Variants in SLIT3 observed in about 807,000 individuals in gnomAD.
SLIT3 encodes slit homolog 3 protein.
Under a neutral mutation model 184.0 loss-of-function variants are expected in SLIT3, and 68 were observed. The ratio of observed to expected loss-of-function variants is 0.37; its 90% CI spans 0.30 to 0.45. SLIT3 has a LOEUF of 0.45. SLIT3 is among the 20% of genes least tolerant of loss of function. The probability of loss-of-function intolerance (pLI) is 1.00; values close to 1 mark genes in which losing one functional copy is unlikely to be tolerated. For synonymous variants in SLIT3, 831 were observed against 828.6 expected (o/e 1.00, Z -0.05); for missense variants, 1,707 against 2,026.0 (o/e 0.84, Z 3.02).
At chr5:169,054,432 C>T (rs999810605) in intron 4 of SLIT3, among the ~76,000 whole-genome samples, 1 of 152,060 alleles carries the variant, frequency 6.6e-6, no homozygotes, top group Admixed American at 6.5e-5. Flanking sequence ...ATTTCCATTG[C>T]TTTTAACCAC....
chr5:168,894,125 GT>G (rs773120345), intron 4 of SLIT3, among the ~76,000 whole-genome samples: 38 of 152,102 alleles, frequency 2.5e-4, no homozygotes, highest in Non-Finnish European at 4.4e-4. Context: ...TCAGTAACTT[GT>G]CCCAGGGCCC....
intron 1 of SLIT3, 35 bp from the exon 2 acceptor site, chr5:169,251,494 TG>T (rs1561767668): frequency 7.0e-7 from 1 of 1,428,604 alleles, no homozygotes; most frequent in Admixed American, 1.7e-5. Flanking sequence ...CAGATTTTTG[TG>T]GGTTACAATT....
At chr5:168,731,453 T>C (rs1317256592) in intron 20 of SLIT3, among the ~76,000 whole-genome samples, 1 of 152,014 alleles carries the variant, frequency 6.6e-6, no homozygotes, top group Non-Finnish European at 1.5e-5. Context: ...ACTCATTCTA[T>C]GAGGTCAGTA....
At chr5:168,989,301 T>G (rs1755238336) in intron 4 of SLIT3, among the ~76,000 whole-genome samples, 1 of 152,196 alleles carries the variant, frequency 6.6e-6, no homozygotes, top group Admixed American at 6.5e-5. Context: ...CAAAACAAAC[T>G]TGACAGGGAA....
intron 18 of SLIT3, among the ~76,000 whole-genome samples, chr5:168,750,606 G>A (rs957206692): frequency 1.3e-5 from 2 of 152,140 alleles, no homozygotes; most frequent in African/African-American, 2.4e-5. Flanking sequence ...TTGGGACTCT[G>A]CCCTTCTGGG....
At chr5:168,943,868 T>C (rs1269730751) in intron 4 of SLIT3, among the ~76,000 whole-genome samples, 1 of 152,128 alleles carries the variant, frequency 6.6e-6, no homozygotes, top group East Asian at 1.9e-4. Flanking sequence ...AAGAATAGTG[T>C]TGAAAAAAGG....
chr5:168,842,312 T>C (rs1421019786), intron 6 of SLIT3, among the ~76,000 whole-genome samples: 2 of 152,172 alleles, frequency 1.3e-5, no homozygotes, highest in Non-Finnish European at 2.9e-5. Context: ...AACAAAGCTA[T>C]TGATCTGGCT....
intron 4 of SLIT3, among the ~76,000 whole-genome samples, chr5:168,911,969 T>G (rs989692788): frequency 6.6e-6 from 1 of 152,248 alleles, no homozygotes; most frequent in African/African-American, 2.4e-5. Flanking sequence ...GAAGTATACT[T>G]GACCTCTGAA....
chr5:169,059,197 T>C (rs567859181), intron 4 of SLIT3, among the ~76,000 whole-genome samples: 1 of 152,282 alleles, frequency 6.6e-6, no homozygotes, highest in Non-Finnish European at 1.5e-5. Flanking sequence ...GCAATTTCTT[T>C]GGCTGTGAAG....
intron 6 of SLIT3, among the ~76,000 whole-genome samples, chr5:168,830,472 C>G (rs1318607212): frequency 6.6e-6 from 1 of 152,156 alleles, no homozygotes; most frequent in Non-Finnish European, 1.5e-5. Flanking sequence ...TATAGGTTCT[C>G]CTGTGAACAC....
chr5:169,100,047 C>G (rs1759948812), intron 4 of SLIT3, among the ~76,000 whole-genome samples: 1 of 152,184 alleles, frequency 6.6e-6, no homozygotes, highest in Admixed American at 6.5e-5. Context: ...TTCACGTACA[C>G]TTATCTCATC....
At chr5:169,001,933 G>T (rs1172354367) in intron 4 of SLIT3, among the ~76,000 whole-genome samples, 1 of 152,010 alleles carries the variant, frequency 6.6e-6, no homozygotes, top group African/African-American at 2.4e-5. Flanking sequence ...ACATTGGTGG[G>T]AACTGCAAAC....
chr5:168,985,996 A>G (rs1056495508), intron 4 of SLIT3, among the ~76,000 whole-genome samples: 1 of 152,166 alleles, frequency 6.6e-6, no homozygotes, highest in Non-Finnish European at 1.5e-5. Context: ...AAACCTTGTG[A>G]CTGAAAGGCA....
At chr5:169,193,402 G>C in intron 4 of SLIT3, 77 bp downstream of exon 4, 1 of 1,234,412 alleles carries the variant, frequency 8.1e-7, no homozygotes, top group East Asian at 2.3e-5. Flanking sequence ...ACGGCACGGC[G>C]CTCCACAAAC....
intron 4 of SLIT3, among the ~76,000 whole-genome samples, chr5:168,902,586 C>G (rs1447154995): frequency 6.6e-6 from 1 of 152,166 alleles, no homozygotes; most frequent in Non-Finnish European, 1.5e-5. Context: ...GTCTCTAGAC[C>G]AGCAGCATTT....
At chr5:168,723,128 TATTC>T (rs1355613622) in intron 21 of SLIT3, 124 bp from the exon 22 acceptor site, 1 of 699,232 alleles carries the variant, frequency 1.4e-6, no homozygotes, top group Non-Finnish European at 2.6e-6. Context: ...TCCACCCACC[TATTC>T]ATTAATTCAC....
intron 3 of SLIT3, among the ~76,000 whole-genome samples, chr5:169,240,564 T>C (rs1296514059): frequency 7.1e-6 from 1 of 141,718 alleles, no homozygotes; most frequent in Non-Finnish European, 1.5e-5. Flanking sequence ...GTTAGTGTTT[T>C]CATGCTATCA....
At chr5:169,282,894 C>T (rs551231904) in intron 1 of SLIT3, among the ~76,000 whole-genome samples, 3 of 152,330 alleles carry the variant, frequency 2.0e-5, no homozygotes, top group African/African-American at 7.2e-5. Context: ...GCAAGGTTTA[C>T]AAAATCCCAA....
chr5:168,716,197 G>A (rs1205100402), intron 23 of SLIT3, among the ~76,000 whole-genome samples: 2 of 152,000 alleles, frequency 1.3e-5, no homozygotes, highest in African/African-American at 4.8e-5. Context: ...GGATAGTCTC[G>A]ATCTCTTGAC....
Sources: allele counts gnomAD v4.1 joint callset (sites outside exome capture counted in the v4.1 genomes callset), GRCh38; gene constraint gnomAD v4.1.1; transcripts MANE v1.5; gene names NCBI Gene and HGNC (gene_info 2026-07-23, HGNC 2026-07-21).